The following EFCAB11 variants were observed in gnomAD, a reference collection of about 807,000 sequenced individuals.
EFCAB11 encodes EF-hand calcium-binding domain-containing protein 11.
EFCAB11 carries 14 observed loss-of-function variants against 23.0 expected under a neutral mutation model. The ratio of observed to expected loss-of-function variants is 0.61; its 90% CI spans 0.40 to 0.95. The LOEUF (loss-of-function observed/expected upper bound fraction) is 0.95, where lower values mean the gene tolerates loss of function less well. Ranked by LOEUF, EFCAB11 falls within the 40% of genes least tolerant of loss-of-function variation. The probability of loss-of-function intolerance (pLI) is 0.00; values close to 1 mark genes in which losing one functional copy is unlikely to be tolerated. For missense variants in EFCAB11, 198 were observed against 195.8 expected (o/e 1.01, Z -0.07); for synonymous variants, 65 against 66.6 (o/e 0.98, Z 0.11).
At chr14:89,833,842 T>C (rs951725148) in intron 5 of EFCAB11, among the ~76,000 whole-genome samples, 22 of 152,200 alleles carry the variant, frequency 1.4e-4, no homozygotes, top group African/African-American at 4.6e-4. Flanking sequence ...CTCTCTAGAC[T>C]CTCTGCCAAG....
rs562433391 is a variant in EFCAB11, at chr14:89,815,149, G to A, written c.411-17825C>T. Among the ~76,000 whole-genome samples the A allele has an allele frequency of 5.9e-5, 9 of 152,240 alleles. No homozygotes were observed. In the South Asian group the frequency reaches 1.9e-3, roughly 32 times the overall value. Reference sequence around the variant, plus strand: ...TGAAGATCTGTCCCTGGAATATGCGGCAATTATGACATCACAATGAACATC... The same window carrying A: ...TGAAGATCTGTCCCTGGAATATGCGACAATTATGACATCACAATGAACATC... On this transcript the variant is annotated intron_variant, in intron 5 of 5. Coordinates refer to ENST00000316738, the MANE Select transcript of EFCAB11 (RefSeq NM_145231.4).
chr14:89,796,567 G>C lies in EFCAB11; in HGVS notation c.*676C>G, dbSNP rs1885579712. ...AGGCTCAAGTGATCCTCCTGCTTTG[G>C]CCTCCCAAAGTGCTGGGATTGTAGG... On this transcript the variant is annotated 3_prime_UTR_variant, in exon 6 of 6. Transcript: ENST00000316738. 1 of 152,162 alleles carries C rather than the reference G, an allele frequency of 6.6e-6. No individual in the cohort carries two copies. The allele number at this position is 152,162 out of a possible 1,614,324, so 9.4% of individuals were successfully genotyped here. A position where few individuals can be genotyped will look rare whatever the true frequency, so the allele number is the denominator to read the frequency against.
intron 5 of EFCAB11, chr14:89,836,570 T>A: frequency 2.2e-6 from 1 of 456,664 alleles, no homozygotes. Context: ...ACGTCAGTAC[T>A]CCCCTGTGCC....
intron 3 of EFCAB11, among the ~76,000 whole-genome samples, chr14:89,942,676 G>A (rs544761535): frequency 6.6e-6 from 1 of 152,040 alleles, no homozygotes; most frequent in East Asian, 1.9e-4. Flanking sequence ...ATATTTCCTT[G>A]TTTCAAGCAG....
intron 5 of EFCAB11, among the ~76,000 whole-genome samples, chr14:89,882,578 C>G (rs960195224): frequency 1.1e-4 from 17 of 152,122 alleles, no homozygotes; most frequent in African/African-American, 3.6e-4. Flanking sequence ...CATCTACTCA[C>G]CTTAAAATAA....
At chr14:89,881,675 T>C (rs1461145274) in intron 5 of EFCAB11, among the ~76,000 whole-genome samples, 1 of 151,250 alleles carries the variant, frequency 6.6e-6, no homozygotes, top group Non-Finnish European at 1.5e-5. Flanking sequence ...CTCAAACTCC[T>C]GACCTCAGGT....
intron 5 of EFCAB11, among the ~76,000 whole-genome samples, chr14:89,930,599 A>G (rs1890355661): frequency 6.6e-6 from 1 of 152,196 alleles, no homozygotes; most frequent in Admixed American, 6.5e-5. Context: ...TTGACTGCTG[A>G]AACTTAATAT....
chr14:89,923,094 A>G (rs769111971), intron 5 of EFCAB11, among the ~76,000 whole-genome samples: 1 of 152,166 alleles, frequency 6.6e-6, no homozygotes, highest in Non-Finnish European at 1.5e-5. Context: ...AAATAACATA[A>G]TCTATTTGAA....
intron 5 of EFCAB11, among the ~76,000 whole-genome samples, chr14:89,927,180 G>T (rs923388214): frequency 1.1e-4 from 16 of 152,078 alleles, no homozygotes; most frequent in Non-Finnish European, 1.5e-5. Flanking sequence ...TCTTTCTTTG[G>T]ATTGTTTTTG....
intron 5 of EFCAB11, among the ~76,000 whole-genome samples, chr14:89,918,825 C>T (rs572994534): frequency 6.6e-6 from 1 of 151,656 alleles, no homozygotes; most frequent in African/African-American, 2.4e-5. Flanking sequence ...GCCACAGGTA[C>T]AGGAGGGGTC....
chr14:89,888,648 G>C (rs1888865921), intron 5 of EFCAB11, among the ~76,000 whole-genome samples: 1 of 152,124 alleles, frequency 6.6e-6, no homozygotes, highest in Admixed American at 6.5e-5. Context: ...GGGGATTACA[G>C]TTCAACATGA....
At chr14:89,870,388 T>A (rs1471563963) in intron 5 of EFCAB11, among the ~76,000 whole-genome samples, 1 of 152,132 alleles carries the variant, frequency 6.6e-6, no homozygotes, top group Non-Finnish European at 1.5e-5. Flanking sequence ...TTGTTTGATA[T>A]TACAGGGCTT....
rs1890388518 is a variant in EFCAB11 at position 89,931,524 on chromosome 14, G to A, written c.410+17C>T. On this transcript the variant is annotated intron_variant, in intron 5 of 5. Coordinates refer to ENST00000316738, the MANE Select transcript of EFCAB11 (RefSeq NM_145231.4). Reference sequence around the variant, plus strand: ...GTAAATCAAAAGGTGGTGTACAGAAGGATTTTGATGCCTTACCTGAATACC... The same window carrying A: ...GTAAATCAAAAGGTGGTGTACAGAAAGATTTTGATGCCTTACCTGAATACC... 5 of 1,604,560 alleles carry A rather than the reference G, an allele frequency of 3.1e-6. No homozygotes were observed. Among genetic ancestry groups the A allele is most frequent in the Admixed American group, 1.7e-5 (1 of 58,812 alleles).
rs1390378895 is a variant in EFCAB11, at chr14:89,954,592, C to A, written c.69G>T (p.Trp23Cys). Reference sequence around the variant, plus strand: ...TCGCCCTCCGGAAACCTACTTCCACCCACTTCCTGTGTTCCGAGGGACTGG... The same window carrying A: ...TCGCCCTCCGGAAACCTACTTCCACACACTTCCTGTGTTCCGAGGGACTGG... Reference protein sequence around the residue: ...WEASPSEHRKWVEVFKACDED... With the variant: ...WEASPSEHRKCVEVFKACDED... The change falls in exon 1 of 6, where the codon TGG (tryptophan) becomes TGT (cysteine). Residue 23 changes from tryptophan to cysteine, a missense_variant. Coordinates refer to ENST00000316738, the MANE Select transcript of EFCAB11 (RefSeq NM_145231.4). 6.2e-7 allele frequency: 1 copy of A among 1,613,864 alleles called. No homozygotes were observed. Among genetic ancestry groups the A allele is most frequent in the East Asian group, 2.2e-5 (1 of 44,876 alleles).
intron 5 of EFCAB11, among the ~76,000 whole-genome samples, chr14:89,895,854 T>C (rs1282262429): frequency 1.3e-5 from 2 of 152,134 alleles, no homozygotes; most frequent in African/African-American, 4.8e-5. Flanking sequence ...AAAAGACAAG[T>C]CACAAGCTGG....
chr14:89,931,344 T>C (rs915707264), intron 5 of EFCAB11, 197 bp downstream of exon 5: 61 of 547,364 alleles, frequency 1.1e-4, no homozygotes, highest in Non-Finnish European at 1.9e-4. Context: ...CCCCCAACTT[T>C]ACAGTTCACT....
At chr14:89,926,332 C>G (rs984008385) in intron 5 of EFCAB11, among the ~76,000 whole-genome samples, 13 of 152,100 alleles carry the variant, frequency 8.5e-5, no homozygotes, top group Non-Finnish European at 1.0e-4. Flanking sequence ...TAATTAGTTT[C>G]CCCCAAGCAA....
intron 5 of EFCAB11, among the ~76,000 whole-genome samples, chr14:89,930,719 G>A (rs1890359495): frequency 6.6e-6 from 1 of 152,174 alleles, no homozygotes; most frequent in South Asian, 2.1e-4. Context: ...CGACTGTGTG[G>A]TCAACATTCG....
intron 3 of EFCAB11, among the ~76,000 whole-genome samples, chr14:89,935,415 T>TC (rs398026122): frequency 2.8e-5 from 4 of 141,530 alleles, no homozygotes; most frequent in Non-Finnish European, 4.5e-5. Flanking sequence ...TTTTTTTTTT[T>TC]CCTAGAGACA....
Sources: gnomAD v4.1 joint callset for allele counts (sites outside exome capture counted in the v4.1 genomes callset) on GRCh38, gnomAD v4.1.1 for gene constraint, MANE v1.5 for transcripts, NCBI Gene and HGNC (gene_info 2026-07-23, HGNC 2026-07-21) for gene names.